NOVA1: variants seen among roughly 807,000 people sequenced by gnomAD.
NOVA1 encodes RNA-binding protein Nova-1.
A neutral mutation model predicts 38.0 loss-of-function variants in NOVA1; 7 were observed. The ratio of observed to expected loss-of-function variants is 0.18; its 90% confidence interval spans 0.10 to 0.35. The LOEUF (loss-of-function observed/expected upper bound fraction) is 0.35. Ranked by LOEUF, NOVA1 falls within the 10% of genes least tolerant of loss-of-function variation. The probability of loss-of-function intolerance (pLI) is 1.00; values close to 1 mark genes in which losing one functional copy is unlikely to be tolerated. For synonymous variants in NOVA1, 270 were observed against 232.5 expected, an observed-to-expected ratio of 1.16 and a Z score of -1.47; for missense variants, 460 against 616.0, an observed-to-expected ratio of 0.75 and a Z score of 2.68.
chr14:26,508,894 T>C (rs945963544), intron 2 of NOVA1, among the ~76,000 whole-genome samples: 35 of 151,752 alleles, frequency 2.3e-4, no homozygotes, highest in African/African-American at 8.0e-4. Flanking sequence ...TGTTTAAATA[T>C]ATGAAAGATG....
intron 3 of NOVA1, among the ~76,000 whole-genome samples, chr14:26,476,023 T>C (rs946301524): frequency 1.3e-5 from 2 of 152,198 alleles, no homozygotes; most frequent in African/African-American, 4.8e-5. Context: ...GAAGTAACAT[T>C]ACTGAAGTAA....
intron 2 of NOVA1, among the ~76,000 whole-genome samples, chr14:26,503,032 G>A (rs1000476040): frequency 6.6e-6 from 1 of 151,912 alleles, no homozygotes; most frequent in Admixed American, 6.6e-5. Flanking sequence ...TACCAGCAAT[G>A]TGTTAAGAGG....
At chr14:26,500,591 T>A (rs1887181056) in intron 2 of NOVA1, among the ~76,000 whole-genome samples, 1 of 151,258 alleles carries the variant, frequency 6.6e-6, no homozygotes. Context: ...TCAAGGGGAA[T>A]ATGAAAAGAA....
intron 2 of NOVA1, among the ~76,000 whole-genome samples, chr14:26,510,727 T>G (rs1594434274): frequency 6.6e-6 from 1 of 152,204 alleles, no homozygotes; most frequent in Non-Finnish European, 1.5e-5. Flanking sequence ...CAAAAGGCTT[T>G]AAACACTGTA....
intron 4 of NOVA1, chr14:26,470,256 A>G: frequency 8.1e-7 from 1 of 1,237,250 alleles, no homozygotes; most frequent in South Asian, 1.6e-5. Context: ...AAGTCAGTAT[A>G]GCAAAGCTAA....
chr14:26,560,598 T>A (rs1891762327), intron 2 of NOVA1, among the ~76,000 whole-genome samples: 1 of 152,172 alleles, frequency 6.6e-6, no homozygotes, highest in Non-Finnish European at 1.5e-5. Context: ...ACGTGGTAGT[T>A]GTAAGGACAG....
chr14:26,528,991 C>T (rs772000593), intron 2 of NOVA1, among the ~76,000 whole-genome samples: 11 of 152,098 alleles, frequency 7.2e-5, no homozygotes, highest in Non-Finnish European at 1.3e-4. Flanking sequence ...CAATTTATGA[C>T]GTGAATGGCT....
chr14:26,488,537 T>A (rs962429180), intron 2 of NOVA1, among the ~76,000 whole-genome samples: 1 of 152,168 alleles, frequency 6.6e-6, no homozygotes, highest in East Asian at 1.9e-4. Context: ...TCAAATATAT[T>A]GCAATTTATT....
intron 2 of NOVA1, among the ~76,000 whole-genome samples, chr14:26,503,579 A>G (rs1887400306): frequency 1.3e-5 from 2 of 152,098 alleles, no homozygotes; most frequent in African/African-American, 4.8e-5. Context: ...CTAGAGGGCA[A>G]CTTAGCAATT....
At chr14:26,550,931 A>C (rs1891124434) in intron 2 of NOVA1, among the ~76,000 whole-genome samples, 2 of 152,086 alleles carry the variant, frequency 1.3e-5, no homozygotes, top group South Asian at 2.1e-4. Flanking sequence ...AATAAAGCAC[A>C]GTGTAAATAT....
At chr14:26,510,286 T>C (rs539420545) in intron 2 of NOVA1, among the ~76,000 whole-genome samples, 5 of 152,158 alleles carry the variant, frequency 3.3e-5, no homozygotes, top group Admixed American at 6.6e-5. Flanking sequence ...ATAATCTAGT[T>C]AGCCTCCCTC....
intron 2 of NOVA1, among the ~76,000 whole-genome samples, chr14:26,489,804 C>T (rs943682447): frequency 1.1e-4 from 16 of 151,994 alleles, no homozygotes; most frequent in Non-Finnish European, 2.2e-4. Context: ...CCACTGCACT[C>T]CAGCCTGGGC....
intron 4 of NOVA1, among the ~76,000 whole-genome samples, chr14:26,468,982 A>C (rs1171206292): frequency 6.6e-6 from 1 of 152,198 alleles, no homozygotes; most frequent in African/African-American, 2.4e-5. Context: ...ATCTTAATGG[A>C]GTGACTGAGT....
At chr14:26,505,062 A>G (rs1887539841) in intron 2 of NOVA1, among the ~76,000 whole-genome samples, 1 of 152,310 alleles carries the variant, frequency 6.6e-6, no homozygotes, top group Non-Finnish European at 1.5e-5. Flanking sequence ...CATACCAGAG[A>G]GAGGCCTGTA....
At chr14:26,484,620 C>T (rs1300049811) in intron 2 of NOVA1, among the ~76,000 whole-genome samples, 1 of 152,096 alleles carries the variant, frequency 6.6e-6, no homozygotes, top group Non-Finnish European at 1.5e-5. Context: ...TCTACTTCCT[C>T]ATCACCCAAT....
chr14:26,504,950 A>G (rs936616121), intron 2 of NOVA1, among the ~76,000 whole-genome samples: 1 of 152,122 alleles, frequency 6.6e-6, no homozygotes, highest in African/African-American at 2.4e-5. Flanking sequence ...TGTGCTAAGT[A>G]AGCAGAGGGC....
At chr14:26,541,709 A>G (rs1356209872) in intron 2 of NOVA1, among the ~76,000 whole-genome samples, 1 of 151,456 alleles carries the variant, frequency 6.6e-6, no homozygotes, top group Non-Finnish European at 1.5e-5. Context: ...TACAAGAAAA[A>G]TGTATTTTAC....
intron 2 of NOVA1, among the ~76,000 whole-genome samples, chr14:26,561,409 T>C (rs1437710991): frequency 6.6e-6 from 1 of 152,260 alleles, no homozygotes; most frequent in Non-Finnish European, 1.5e-5. Flanking sequence ...ATATAAGATT[T>C]GTGAGTAGAG....
In NOVA1 at chr14:26,480,042, C is replaced by A. The variant is rs757576804; in HGVS notation, c.382G>T (p.Ala128Ser). 33 of 1,613,910 alleles carry A rather than the reference C, an allele frequency of 2.0e-5. No individual in the cohort carries two copies. Among genetic ancestry groups the A allele is most frequent in the Non-Finnish European group, 2.7e-5 (32 of 1,180,000 alleles). Residue 128 changes from alanine (A) to serine (S), a missense_variant, in exon 3 of 5, where the codon GCC becomes TCC. Coordinates refer to ENST00000539517, the MANE Select transcript of NOVA1 (RefSeq NM_002515.3). ...EKIREMPQNV[A>S]KTEPVSILQP... ...AGAATGCTGACTGGTTCTGTCTTGGCCACATTTTGGGGCATTTCTCGAATT... is the reference window on the plus strand; with the variant it reads ...AGAATGCTGACTGGTTCTGTCTTGGACACATTTTGGGGCATTTCTCGAATT...
Sources: gnomAD v4.1 joint callset for allele counts (sites outside exome capture counted in the v4.1 genomes callset) on GRCh38, gnomAD v4.1.1 for gene constraint, MANE v1.5 for transcripts, NCBI Gene and HGNC (gene_info 2026-07-23, HGNC 2026-07-21) for gene names.